Variants in GPHN observed in about 807,000 individuals in gnomAD.
GPHN encodes the protein gephyrin.
Under a neutral mutation model 95.5 loss-of-function variants are expected in GPHN, and 17 were observed. The ratio of observed to expected loss-of-function variants is 0.18; its 90% confidence interval spans 0.12 to 0.27. The LOEUF (loss-of-function observed/expected upper bound fraction) is 0.27. Ranked by LOEUF, GPHN falls within the 10% of genes least tolerant of loss-of-function variation. GPHN has a pLI of 1.00. For synonymous variants in GPHN, 320 were observed against 322.5 expected (o/e 0.99, Z 0.08); for missense variants, 660 against 978.1 (o/e 0.67, Z 4.34).
intron 1 of GPHN, among the ~76,000 whole-genome samples, chr14:66,626,043 G>A (rs937408160): frequency 6.6e-5 from 10 of 152,278 alleles, no homozygotes; most frequent in African/African-American, 2.2e-4. Context: ...CCTGAATGGT[G>A]TAAACTTGTC....
At chr14:67,295,104 A>AGTGTGTGTGTGTGTGTGTGTGTGT in the GPHN span, 2 of 138,010 alleles carry the variant, frequency 1.4e-5, no homozygotes, top group African/African-American at 5.8e-5. Flanking sequence ...GAGATATTGA[A>AGTGTGTGTGTGTGTGTGTGTGTGT]GTGTGTGTGT....
At chr14:67,177,240 T>G (rs1567453973) in intron 21 of GPHN, among the ~76,000 whole-genome samples, 1 of 152,206 alleles carries the variant, frequency 6.6e-6, no homozygotes, top group African/African-American at 2.4e-5. Flanking sequence ...CCTCTACACA[T>G]TGCTTTAAAC....
chr14:66,670,205 A>T (rs1488647168), intron 1 of GPHN, among the ~76,000 whole-genome samples: 1 of 152,070 alleles, frequency 6.6e-6, no homozygotes, highest in Non-Finnish European at 1.5e-5. Flanking sequence ...ACTGCTGTGT[A>T]GGCATGTTAG....
chr14:66,993,866 A>G (rs936032859), intron 9 of GPHN, among the ~76,000 whole-genome samples: 1 of 152,024 alleles, frequency 6.6e-6, no homozygotes, highest in Admixed American at 6.6e-5. Context: ...TTTATTTACT[A>G]TTTCATTTAT....
intron 1 of GPHN, among the ~76,000 whole-genome samples, chr14:66,559,557 A>G (rs2140259584): frequency 6.6e-6 from 1 of 151,790 alleles, no homozygotes; most frequent in South Asian, 2.1e-4. Context: ...GTGTCTGTTC[A>G]TGTCCTACAC....
intron 5 of GPHN, among the ~76,000 whole-genome samples, chr14:66,886,805 A>G (rs998473148): frequency 1.3e-5 from 2 of 152,214 alleles, no homozygotes; most frequent in East Asian, 3.9e-4. Context: ...TGAGGGAGAA[A>G]GGGGCTTACC....
chr14:66,778,302 C>T (rs2059462319), intron 3 of GPHN, among the ~76,000 whole-genome samples: 1 of 152,190 alleles, frequency 6.6e-6, no homozygotes, highest in Admixed American at 6.5e-5. Flanking sequence ...GAACTACAAA[C>T]CACTGCTCAG....
At chr14:67,448,117 A>ATTTTTTTT in the GPHN span, among the ~76,000 whole-genome samples, 1 of 62,976 alleles carries the variant, frequency 1.6e-5, no homozygotes, top group African/African-American at 6.2e-5. Context: ...ACCATAGCCC[A>ATTTTTTTT]TTCTTTTTTT....
the GPHN span, among the ~76,000 whole-genome samples, chr14:67,192,690 C>A: frequency 6.6e-6 from 1 of 151,194 alleles, no homozygotes; most frequent in Non-Finnish European, 1.5e-5. Flanking sequence ...TAGCTTGACA[C>A]CATGATTGAT....
chr14:67,059,013 G>GC, intron 11 of GPHN: 1 of 403,916 alleles, frequency 2.5e-6, no homozygotes, highest in Non-Finnish European at 4.3e-6. Context: ...ATTAAAAAAA[G>GC]GAAAAAAAAA....
intron 4 of GPHN, among the ~76,000 whole-genome samples, chr14:66,865,843 G>A (rs1050390922): frequency 2.0e-5 from 3 of 152,172 alleles, no homozygotes; most frequent in South Asian, 2.1e-4. Flanking sequence ...AATAATTTTT[G>A]TTGATTAATT....
chr14:66,752,947 AAAAG>A (rs918559599), intron 2 of GPHN, among the ~76,000 whole-genome samples: 10 of 151,912 alleles, frequency 6.6e-5, no homozygotes, highest in East Asian at 1.9e-4. Context: ...AAAAAAAAAA[AAAAG>A]AGAAGAGAGA....
intron 5 of GPHN, among the ~76,000 whole-genome samples, chr14:66,881,554 TA>T (rs2063931289): frequency 6.6e-6 from 1 of 151,870 alleles, no homozygotes; most frequent in African/African-American, 2.4e-5. Flanking sequence ...ATCCTAAGGT[TA>T]GAAAGAAAAA....
the GPHN span, among the ~76,000 whole-genome samples, chr14:67,248,584 T>G: frequency 6.6e-6 from 1 of 152,164 alleles, no homozygotes; most frequent in Non-Finnish European, 1.5e-5. Context: ...CTCAAAGACG[T>G]TGAAATTTTG....
At chr14:67,555,790 G>A in the GPHN span, 1 of 1,610,588 alleles carries the variant, frequency 6.2e-7, no homozygotes, top group Non-Finnish European at 8.5e-7. Flanking sequence ...TAGGGACATG[G>A]CACCTACATC....
chr14:67,432,572 G>A, the GPHN span, among the ~76,000 whole-genome samples: 1 of 152,198 alleles, frequency 6.6e-6, no homozygotes, highest in African/African-American at 2.4e-5. Context: ...AGTCAGCAGC[G>A]GGCAAGCTCT....
chr14:66,961,900 G>GTATGTATATATATATATATA (rs2068929443), intron 8 of GPHN, among the ~76,000 whole-genome samples: 2 of 52,958 alleles, frequency 3.8e-5, no homozygotes, highest in South Asian at 6.7e-4. Context: ...CCCTGAATGT[G>GTATGTATATATATATATATA]TATATATATA....
the GPHN span, among the ~76,000 whole-genome samples, chr14:67,621,540 C>T: frequency 1.3e-5 from 2 of 151,744 alleles, no homozygotes; most frequent in Non-Finnish European, 1.5e-5. Context: ...ATTGCAACCT[C>T]CACCTTCTGG....
At chr14:67,730,810 G>C in the GPHN span, among the ~76,000 whole-genome samples, 1 of 152,012 alleles carries the variant, frequency 6.6e-6, no homozygotes, top group Admixed American at 6.6e-5. Flanking sequence ...CACCATGTTG[G>C]CCAGGCTGGT....
Sources: gnomAD v4.1 joint callset for allele counts (sites outside exome capture counted in the v4.1 genomes callset) on GRCh38, gnomAD v4.1.1 for gene constraint, MANE v1.5 for transcripts, NCBI Gene and HGNC (gene_info 2026-07-23, HGNC 2026-07-21) for gene names.